CORO1A: variants seen among roughly 807,000 people sequenced by gnomAD.
CORO1A encodes the protein coronin 1A, also known as coronin-1A.
In CORO1A, 17 loss-of-function variants were observed where a neutral mutation model predicts 44.1. The observed-to-expected ratio is 0.39, with a 90% CI of 0.26 to 0.58. CORO1A has a LOEUF of 0.58. Among genes scored for constraint, CORO1A ranks in the 20% least tolerant of loss-of-function variants. The pLI is 0.62. For synonymous variants in CORO1A, 271 were observed against 244.2 expected (o/e 1.11, Z -1.02); for missense variants, 415 against 606.5 (o/e 0.68, Z 3.32).
chr16:30,187,865 G>GGGGGGGGGGGGCCCCCGGGGGCC, intron 7 of CORO1A, 36 bp downstream of exon 7: 1 of 513,370 alleles, frequency 1.9e-6, no homozygotes, highest in Non-Finnish European at 3.6e-6. Flanking sequence ...TGGGAGGTGG[G>GGGGGGGGGGGGCCCCCGGGGGCC]CAGGATGGGC....
Position 30,187,840 on chromosome 16 carries a change from C to T in CORO1A, c.861+11C>T, listed in dbSNP as rs547256571. 66 of 165,030 alleles carry T rather than the reference C, an allele frequency of 4.0e-4. 1 individual carries two copies. In the Middle Eastern group the frequency reaches 4.6e-3, roughly 11 times the overall value. The allele number at this position is 165,030 out of a possible 1,614,324, so 10.2% of individuals were successfully genotyped here. The stretch of plus-strand genomic sequence containing the variant: ...TACCTCTGTGGCAAGGTGGCCTCGT[C>T]GGGCGGGGTGGGGGTGGGAGGTGGG... On this transcript the variant is annotated intron_variant, in intron 7 of 10. Coordinates refer to ENST00000219150, the MANE Select transcript of CORO1A (RefSeq NM_007074.4).
chr16:30,187,641 G>A, intron 6 of CORO1A, 84 bp from the exon 7 acceptor site: 1 of 1,464,212 alleles, frequency 6.8e-7, no homozygotes, highest in East Asian at 2.3e-5. Context: ...CCCACTGGTT[G>A]GTCGGGAGGG....
Position 30,188,886 on chromosome 16 carries a change from G to A in CORO1A, c.1308G>A (p.Glu436=). 1.4e-5 allele frequency: 5 copies of A among 356,316 alleles called. No individual in the cohort carries two copies. The highest frequency in any genetic ancestry group is 6.4e-4 in the Middle Eastern group (1 of 1,566). 22.1% of individuals were successfully genotyped at this position (356,316 alleles called of 1,614,324 possible). Residue 436 remains glutamate (E), a synonymous_variant, in exon 11 of 11, where the codon GAG becomes GAA. Coordinates refer to ENST00000219150, the MANE Select transcript of CORO1A (RefSeq NM_007074.4). ...ATGCCGTGTCTCGGCTGGAGGAGGA[G>A]ATGCGGAAGCTCCAGGCCACGGTGC... ...SSDAVSRLEE[E]MRKLQATVQE...
At chr16:30,185,746 C>T (rs956011972) in intron 2 of CORO1A, 18 of 369,824 alleles carry the variant, frequency 4.9e-5, no homozygotes, top group African/African-American at 1.2e-4. Context: ...GCCCTGGCAG[C>T]GTTCTCAGGG....
intron 2 of CORO1A, 79 bp from the exon 3 acceptor site, chr16:30,186,519 G>A: frequency 1.9e-6 from 3 of 1,557,742 alleles, no homozygotes; most frequent in East Asian, 2.2e-5. Flanking sequence ...TCCTCTCTGG[G>A]CCTCTCTGAA....
chr16:30,185,187 C>T (rs1166376416), intron 1 of CORO1A, 22 bp from the exon 2 acceptor site: 7 of 1,612,328 alleles, frequency 4.3e-6, no homozygotes, highest in Admixed American at 1.7e-5. Flanking sequence ...GGGAGAAATG[C>T]TCTTATGCTG....
At position 30,188,499 on chromosome 16, in the gene CORO1A, CG is replaced by C; in HGVS notation, c.1207del (p.Glu403SerfsTer2). On this transcript the variant is annotated frameshift_variant, in exon 10 of 11. Transcript: ENST00000219150. LOFTEE classifies it high-confidence loss of function. ...GGATGGCTACGTACCCCCAAAGAGC[CG>C]GGAGCTGAGGGTCAACCGGGGCCTG... is the stretch of plus-strand genomic sequence containing the variant. ...LKDGYVPPKSRELRVNRGLDT... is the reference protein window; with the variant it reads ...LKDGYVPPKSXELRVNRGLDT... 1 of 1,612,050 alleles carries C rather than the reference CG, an allele frequency of 6.2e-7. No individual in the cohort carries two copies. The highest frequency in any genetic ancestry group is 8.5e-7 in the Non-Finnish European group (1 of 1,179,510).
intron 10 of CORO1A, 101 bp from the exon 11 acceptor site, chr16:30,188,758 AC>A (rs1289494236): frequency 7.1e-6 from 4 of 560,696 alleles, no homozygotes; most frequent in Non-Finnish European, 1.2e-5. Context: ...CAGCTGAGCG[AC>A]TAAAGGGCCC....
chr16:30,186,984 T>C, intron 4 of CORO1A, 39 bp downstream of exon 4: 1 of 1,613,154 alleles, frequency 6.2e-7, no homozygotes, highest in Non-Finnish European at 8.5e-7. Context: ...GCTCGTGGCC[T>C]GCAGTGGATG....
At chr16:30,187,547 A>T in intron 6 of CORO1A, 46 bp downstream of exon 6, 1 of 1,581,250 alleles carries the variant, frequency 6.3e-7, no homozygotes, top group Non-Finnish European at 8.5e-7. Flanking sequence ...CTGGGAACCA[A>T]GACTGGAGGT....
intron 2 of CORO1A, chr16:30,186,293 A>C: frequency 7.3e-6 from 3 of 411,634 alleles, no homozygotes; most frequent in Non-Finnish European, 1.4e-5. Context: ...CACTCGGGGA[A>C]GCTGGGGTGG....
At position 30,186,658 on chromosome 16, in the gene CORO1A, A is replaced by G. The variant is rs2151062377; in HGVS notation, c.259A>G (p.Ile87Val). 6.2e-7 allele frequency: 1 copy of G among 1,613,380 alleles called. No homozygotes were observed. The highest frequency in any genetic ancestry group is 8.5e-7 in the Non-Finnish European group (1 of 1,179,958). ...VCGHTAPVLD[I>V]AWCPHNDNVI... ...TGGCCACACAGCCCCTGTGCTAGAC[A>G]TCGCCTGGTGCCCGCACAATGACAA... Residue 87 changes from isoleucine to valine, a missense_variant, in exon 3 of 11, where the codon ATC (isoleucine) becomes GTC (valine). Transcript: ENST00000219150.
chr16:30,186,453 A>G (rs1596917569), intron 2 of CORO1A, 145 bp from the exon 3 acceptor site: 9 of 945,210 alleles, frequency 9.5e-6, no homozygotes, highest in Non-Finnish European at 1.3e-5. Flanking sequence ...GAGAAGAACA[A>G]CCCGCCCCCG....
At position 30,184,470 on chromosome 16, in the gene CORO1A, C is replaced by G. The variant is rs72791248; in HGVS notation, c.-1-739C>G. The G allele has an allele frequency of 6.5e-6, 1 of 153,380 alleles. No homozygotes were observed. The highest frequency in any genetic ancestry group is 1.5e-5 in the Non-Finnish European group (1 of 68,840). The allele number at this position is 153,380 out of a possible 1,614,324, so 9.5% of individuals were successfully genotyped here. Reference sequence around the variant, plus strand: ...ACAAGGTCGCCCCTGGAGTTCCTTGCTCCCCACCCAGACACTGGGGGAAAC... The same window carrying G: ...ACAAGGTCGCCCCTGGAGTTCCTTGGTCCCCACCCAGACACTGGGGGAAAC... On this transcript the variant is annotated intron_variant, in intron 1 of 10. Transcript: ENST00000219150. This position sits in a 1 kb window ranked among gnomAD's most constrained non-coding sequence, Gnocchi z 4.3.
intron 8 of CORO1A, 48 bp downstream of exon 8, chr16:30,188,135 C>A: frequency 6.2e-7 from 1 of 1,613,500 alleles, no homozygotes; most frequent in Non-Finnish European, 8.5e-7. Context: ...GGGCAGTGGG[C>A]AGTCCCAAGC....
chr16:30,187,300 G>A (rs2073351526), intron 5 of CORO1A, 77 bp downstream of exon 5: 1 of 1,604,762 alleles, frequency 6.2e-7, no homozygotes, highest in South Asian at 1.1e-5. Flanking sequence ...GCCCTTGGAT[G>A]CTGCCCTCCC....
chr16:30,188,208 G>A lies in CORO1A; in HGVS notation c.1024G>A (p.Glu342Lys). 1.2e-6 allele frequency: 2 copies of A among 1,614,124 alleles called. No individual in the cohort carries two copies. Among genetic ancestry groups the A allele is most frequent in the Non-Finnish European group, 8.5e-7 (1 of 1,180,028 alleles). Residue 342 changes from glutamate to lysine, a missense_variant, in exon 9 of 11, where the codon GAG (glutamate) becomes AAG (lysine). Around this residue, in one of 2 missense-constraint regions of CORO1A, gnomAD observed 325 missense variants for 521.7 expected, o/e 0.62. Transcript: ENST00000219150. The stretch of plus-strand genomic sequence containing the variant: ...TTCCCACAGGTTCTACAAGCTGCAC[G>A]AGCGGAGGTGTGAGCCCATTGCCAT... The part of the protein sequence containing the change: ...CEIARFYKLH[E>K]RRCEPIAMTV...
At chr16:30,187,523 C>T (rs761645032) in intron 6 of CORO1A, 22 bp downstream of exon 6, 23 of 1,596,356 alleles carry the variant, frequency 1.4e-5, no homozygotes, top group East Asian at 1.3e-4. Context: ...GGCAGGAAGC[C>T]GAGGGCCCCC....
chr16:30,186,002 A>G, intron 2 of CORO1A: 1 of 198,236 alleles, frequency 5.0e-6, no homozygotes, highest in South Asian at 8.0e-5. Context: ...GATGGAAGCA[A>G]AGAGAAGAGG....
Sources: allele counts gnomAD v4.1 joint callset, GRCh38; gene constraint gnomAD v4.1.1; regional missense constraint gnomAD v4.1.1; non-coding constraint Gnocchi (gnomAD v3.1); transcripts MANE v1.5; gene names NCBI Gene and HGNC (gene_info 2026-07-23, HGNC 2026-07-21).